The following ROBO2 variants were observed in gnomAD, a reference collection of about 807,000 sequenced individuals.
ROBO2 encodes roundabout homolog 2.
A neutral mutation model predicts 160.8 loss-of-function variants in ROBO2; 53 were observed. The observed-to-expected ratio is 0.33, with a 90% CI of 0.26 to 0.41. ROBO2 has a LOEUF of 0.41. Ranked by LOEUF, ROBO2 falls within the 10% of genes least tolerant of loss-of-function variation. The pLI is 1.00. For synonymous variants in ROBO2, 664 were observed against 611.7 expected (o/e 1.09, Z -1.26); for missense variants, 1,577 against 1,722.4 (o/e 0.92, Z 1.49).
At chr3:76,498,003 C>T (rs2080247994) in intron 2 of ROBO2, among the ~76,000 whole-genome samples, 1 of 152,194 alleles carries the variant, frequency 6.6e-6, no homozygotes, top group Non-Finnish European at 1.5e-5. Flanking sequence ...CACTCCCTTA[C>T]ACTATATTTT....
At chr3:77,028,627 G>A (rs1191101741) in intron 2 of ROBO2, among the ~76,000 whole-genome samples, 1 of 152,162 alleles carries the variant, frequency 6.6e-6, no homozygotes, top group Admixed American at 6.5e-5. Flanking sequence ...GGCTGGGGCA[G>A]GAGAATCGCT....
At chr3:77,483,457 T>G (rs2084949496) in intron 4 of ROBO2, among the ~76,000 whole-genome samples, 1 of 152,066 alleles carries the variant, frequency 6.6e-6, no homozygotes, top group African/African-American at 2.4e-5. Context: ...ATACAACTCT[T>G]TATATTTTAG....
At chr3:77,165,045 C>T (rs376623190) in intron 2 of ROBO2, among the ~76,000 whole-genome samples, 2 of 152,026 alleles carry the variant, frequency 1.3e-5, no homozygotes, top group Non-Finnish European at 2.9e-5. Flanking sequence ...CCGGCCACCA[C>T]CCCGTCTGGG....
At chr3:77,445,228 A>C (rs553807765) in intron 2 of ROBO2, among the ~76,000 whole-genome samples, 2 of 152,336 alleles carry the variant, frequency 1.3e-5, no homozygotes, top group South Asian at 4.1e-4. Context: ...TAGTGGAAAG[A>C]TACATTTAAA....
intron 2 of ROBO2, among the ~76,000 whole-genome samples, chr3:76,231,394 C>T (rs1199491963): frequency 6.6e-6 from 1 of 152,164 alleles, no homozygotes; most frequent in Admixed American, 6.5e-5. Context: ...GGCTCATTCT[C>T]TTCCTCTGTA....
intron 5 of ROBO2, 124 bp from the exon 6 acceptor site, chr3:77,522,651 T>TTG (rs1302299412): frequency 1.6e-5 from 15 of 919,920 alleles, no homozygotes; most frequent in Non-Finnish European, 2.5e-5. Context: ...TGTGGCTGAT[T>TTG]TGTGTGTGTG....
rs148092591 is a variant in ROBO2, at chr3:77,272,775, T to C, written c.388+174435T>C. 2.7e-3 allele frequency among the ~76,000 whole-genome samples: 413 copies of C among 152,318 alleles called. 6 individuals are homozygous for C. The highest frequency in any genetic ancestry group is 8.7e-3 in the African/African-American group (361 of 41,566). ...TGCCATAGTTTTGTAAAAACCTTTATCTGTTATTTGAGATATAAAATGTTG... is the reference window on the plus strand; with the variant it reads ...TGCCATAGTTTTGTAAAAACCTTTACCTGTTATTTGAGATATAAAATGTTG... On this transcript the variant is annotated intron_variant, in intron 2 of 25. Transcript: ENST00000461745.
intron 2 of ROBO2, among the ~76,000 whole-genome samples, chr3:76,397,743 A>C (rs555000815): frequency 8.5e-5 from 13 of 152,354 alleles, no homozygotes; most frequent in African/African-American, 3.1e-4. Flanking sequence ...ATCACTGGCC[A>C]TCAGAGAAAT....
At chr3:77,609,115 TA>T (rs1321742775) in intron 21 of ROBO2, among the ~76,000 whole-genome samples, 1 of 151,894 alleles carries the variant, frequency 6.6e-6, no homozygotes, top group Non-Finnish European at 1.5e-5. Context: ...CATACGCGAA[TA>T]TTTTTTGTCT....
intron 2 of ROBO2, among the ~76,000 whole-genome samples, chr3:76,981,373 C>A (rs1451740804): frequency 6.6e-6 from 1 of 152,134 alleles, no homozygotes; most frequent in Admixed American, 6.6e-5. Flanking sequence ...CTACAGCTAT[C>A]ATAGTGGTTG....
chr3:76,091,473 G>T (rs185246599), intron 2 of ROBO2, among the ~76,000 whole-genome samples: 1 of 152,272 alleles, frequency 6.6e-6, no homozygotes, highest in East Asian at 1.9e-4. Context: ...ATTCATTGCT[G>T]CTGGGGGCTA....
At chr3:77,364,421 C>G (rs2070518641) in intron 2 of ROBO2, among the ~76,000 whole-genome samples, 1 of 152,030 alleles carries the variant, frequency 6.6e-6, no homozygotes, top group South Asian at 2.1e-4. Context: ...TGGCCTCTTT[C>G]ATTATTCTTG....
intron 2 of ROBO2, among the ~76,000 whole-genome samples, chr3:76,915,065 T>C (rs1349753649): frequency 6.6e-6 from 1 of 152,222 alleles, no homozygotes; most frequent in African/African-American, 2.4e-5. Context: ...TACCAATTTG[T>C]TAATGTAACA....
intron 2 of ROBO2, among the ~76,000 whole-genome samples, chr3:76,920,407 G>C (rs978682712): frequency 2.0e-5 from 3 of 152,138 alleles, no homozygotes; most frequent in African/African-American, 7.2e-5. Flanking sequence ...TTGACACTTA[G>C]GGGTCAGCAG....
At chr3:76,119,933 C>CCTTT (rs2070669985) in intron 2 of ROBO2, among the ~76,000 whole-genome samples, 2 of 128,712 alleles carry the variant, frequency 1.6e-5, no homozygotes, top group African/African-American at 5.8e-5. Context: ...TTCCTTCCTT[C>CCTTT]CTTCCTTCCT....
At chr3:76,775,496 A>C (rs1407970225) in intron 2 of ROBO2, among the ~76,000 whole-genome samples, 1 of 150,858 alleles carries the variant, frequency 6.6e-6, no homozygotes, top group African/African-American at 2.4e-5. Context: ...TCTAAAAATT[A>C]CTTTTATCTA....
chr3:77,522,487 C>T (rs1295094215), intron 5 of ROBO2, among the ~76,000 whole-genome samples: 1 of 150,854 alleles, frequency 6.6e-6, no homozygotes, highest in East Asian at 2.0e-4. Context: ...TCAAGAGCTA[C>T]AAAATAAAGG....
At chr3:77,454,187 TA>T (rs2081388999) in intron 2 of ROBO2, among the ~76,000 whole-genome samples, 1 of 152,122 alleles carries the variant, frequency 6.6e-6, no homozygotes, top group African/African-American at 2.4e-5. Context: ...CTCTTCTTTT[TA>T]AATCTTGTCT....
chr3:77,425,195 G>T, intron 2 of ROBO2, among the ~76,000 whole-genome samples: 1 of 104,492 alleles, frequency 9.6e-6, no homozygotes, highest in East Asian at 2.9e-4. Flanking sequence ...GCAATGGCAA[G>T]AAAAAAAAAA....
Sources: allele counts gnomAD v4.1 joint callset (sites outside exome capture counted in the v4.1 genomes callset), GRCh38; gene constraint gnomAD v4.1.1; transcripts MANE v1.5; gene names NCBI Gene and HGNC (gene_info 2026-07-23, HGNC 2026-07-21).